Variants in DST observed in about 807,000 individuals in gnomAD.
The protein encoded by DST is dystonin.
DST carries 253 observed loss-of-function variants against 875.2 expected under a neutral mutation model. The ratio of observed to expected loss-of-function variants is 0.29; its 90% CI spans 0.26 to 0.32. DST has a LOEUF of 0.32. Ranked by LOEUF, DST falls within the 10% of genes least tolerant of loss-of-function variation. The pLI is 1.00. For missense variants in DST, 8,287 were observed against 9,111.6 expected (o/e 0.91, Z 3.68); for synonymous variants, 3,124 against 3,197.1 (o/e 0.98, Z 0.77).
At chr6:56,795,962 AC>A (rs1279153036) in intron 4 of DST, among the ~76,000 whole-genome samples, 3 of 152,104 alleles carry the variant, frequency 2.0e-5, no homozygotes, top group Admixed American at 6.5e-5. Flanking sequence ...ACTAGAGAAG[AC>A]AGTTTGTCAA....
At chr6:56,808,292 T>C (rs912390096) in intron 4 of DST, among the ~76,000 whole-genome samples, 4 of 152,116 alleles carry the variant, frequency 2.6e-5, no homozygotes, top group African/African-American at 4.8e-5. Flanking sequence ...GTGCTGCTAC[T>C]TTTTTCTCAA....
rs542944295 is a variant in DST at position 56,584,714 on chromosome 6, G to A, written c.12904-5777C>T. 2.0e-5 allele frequency among the ~76,000 whole-genome samples: 3 copies of A among 152,198 alleles called. No individual in the cohort carries two copies. In the South Asian group the frequency reaches 6.2e-4, roughly 32 times the overall value. ...CTTCCCGTTTTTGCCCATTCAGTAT[G>A]ATATTGGCTGTGGGTCTGTCATAGA... On this transcript the variant is annotated intron_variant, in intron 49 of 103. Transcript: ENST00000680361.
At chr6:56,800,898 T>C (rs1187019783) in intron 4 of DST, among the ~76,000 whole-genome samples, 2 of 151,798 alleles carry the variant, frequency 1.3e-5, no homozygotes, top group African/African-American at 2.4e-5. Flanking sequence ...CACACACCTG[T>C]AGCCCCAGGT....
chr6:56,514,807 A>AAAAGAGGGCTTTATGTGCCATTTC (rs1405824428), intron 72 of DST, among the ~76,000 whole-genome samples: 3 of 152,200 alleles, frequency 2.0e-5, no homozygotes, highest in Non-Finnish European at 4.4e-5. Context: ...GTGACTGCTG[A>AAAAGAGGGCTTTATGTGCCATTTC]AAAGAGGGCT....
chr6:56,656,356 C>G (rs2099008590), intron 10 of DST, among the ~76,000 whole-genome samples: 1 of 152,226 alleles, frequency 6.6e-6, no homozygotes, highest in African/African-American at 2.4e-5. Flanking sequence ...AGGTTCTCCT[C>G]CCTTCTTATG....
chr6:56,615,659 A>G, intron 36 of DST: 1 of 1,614,070 alleles, frequency 6.2e-7, no homozygotes, highest in South Asian at 1.1e-5. Context: ...AGGGCATATT[A>G]TATTTCTGAC....
intron 4 of DST, among the ~76,000 whole-genome samples, chr6:56,747,344 G>GTCC (rs991269032): frequency 2.6e-5 from 4 of 152,142 alleles, no homozygotes; most frequent in African/African-American, 9.7e-5. Context: ...CTGCCTTCCT[G>GTCC]TAAGTGCAGT....
chr6:56,663,162 A>C (rs1201167965), intron 10 of DST, among the ~76,000 whole-genome samples: 2 of 152,138 alleles, frequency 1.3e-5, no homozygotes, highest in Non-Finnish European at 2.9e-5. Flanking sequence ...ATACAATAAA[A>C]ATGGTCACCA....
In DST at chr6:56,535,303, C is replaced by T. The variant is rs201322108; in HGVS notation, c.16771-11G>A. ...TGCTCGCTGAGCCACCTGCAAAGTGCCAATTGTTTCCACTTATTTATTTGT... is the reference window on the plus strand; with the variant it reads ...TGCTCGCTGAGCCACCTGCAAAGTGTCAATTGTTTCCACTTATTTATTTGT... On this transcript the variant is annotated splice_polypyrimidine_tract_variant and intron_variant, in intron 62 of 103. Transcript: ENST00000680361. 17 of 1,555,902 alleles carry T rather than the reference C, an allele frequency of 1.1e-5. No homozygotes were observed. Among genetic ancestry groups the T allele is most frequent in the Middle Eastern group, 1.7e-4 (1 of 5,938 alleles).
intron 54 of DST, 59 bp downstream of exon 54, chr6:56,569,797 C>CT (rs1198493983): frequency 1.4e-6 from 2 of 1,463,056 alleles, no homozygotes; most frequent in African/African-American, 2.8e-5. Context: ...TACCATTAGT[C>CT]TTTTAATCTT....
chr6:56,843,653 T>C (rs1291576793), intron 4 of DST: 1 of 983,440 alleles, frequency 1.0e-6, no homozygotes, highest in Non-Finnish European at 1.2e-6. Context: ...TCTGCGGCAT[T>C]TCCTGGCCGC....
At chr6:56,904,708 A>T (rs189939109) in intron 2 of DST, among the ~76,000 whole-genome samples, 120 of 151,792 alleles carry the variant, frequency 7.9e-4, no homozygotes, top group African/African-American at 2.3e-3. Flanking sequence ...AAGTAATATT[A>T]AAAAAAAGCC....
chr6:56,616,172 T>C, intron 36 of DST: 1 of 1,614,208 alleles, frequency 6.2e-7, no homozygotes, highest in Non-Finnish European at 8.5e-7. Flanking sequence ...CAGCAAAGAA[T>C]CAGCAAGTTC....
chr6:56,840,168 T>C (rs2099798284), intron 4 of DST, among the ~76,000 whole-genome samples: 1 of 152,176 alleles, frequency 6.6e-6, no homozygotes, highest in African/African-American at 2.4e-5. Flanking sequence ...GGAAAACAAA[T>C]ATTCCAATGA....
At chr6:56,626,135 T>C (rs1358700858) in intron 34 of DST, among the ~76,000 whole-genome samples, 3 of 152,116 alleles carry the variant, frequency 2.0e-5, no homozygotes, top group Admixed American at 6.5e-5. Context: ...AAGTTTATAA[T>C]GTAAAAAAGT....
chr6:56,479,318 T>C (rs1311762222), intron 90 of DST, among the ~76,000 whole-genome samples: 1 of 152,286 alleles, frequency 6.6e-6, no homozygotes, highest in African/African-American at 2.4e-5. Context: ...GCTTATACAC[T>C]GTTGGTGGGA....
chr6:56,785,938 C>T (rs2099704493), intron 4 of DST: 1 of 152,252 alleles, frequency 6.6e-6, no homozygotes, highest in Non-Finnish European at 1.5e-5. Context: ...GCTTTAGGCT[C>T]TATCTATATT....
At position 56,606,278 on chromosome 6, in the gene DST, G is replaced by A. The variant is rs775420460; in HGVS notation, c.8350C>T (p.His2784Tyr). ...TGQEFHSDTD[H>Y]LDSMQSEESY... ...TCTTCACTTTGCATAGAATCTAAAT[G>A]ATCAGTATCGGAGTGAAATTCCTGT... The change falls in exon 40 of 104, where the codon CAT becomes TAT. Residue 2784 changes from histidine to tyrosine, a missense_variant. His to Tyr is a moderately conservative substitution (Grantham distance 83). This residue lies in a region of DST where 3,138 missense variants were observed against 3,116.6 expected (regional missense o/e 1.01). Transcript: ENST00000680361. 43 of 1,584,954 alleles carry A rather than the reference G, an allele frequency of 2.7e-5. No homozygotes were observed. Among genetic ancestry groups the A allele is most frequent in the Non-Finnish European group, 3.6e-5 (42 of 1,164,254 alleles).
intron 34 of DST, 118 bp from the exon 35 acceptor site, chr6:56,625,382 G>A: frequency 1.4e-6 from 1 of 718,890 alleles, no homozygotes; most frequent in South Asian, 1.6e-5. Flanking sequence ...TTAGTGATTT[G>A]ACACAGATCA....
Sources: gnomAD v4.1 joint callset for allele counts (sites outside exome capture counted in the v4.1 genomes callset) on GRCh38, gnomAD v4.1.1 for gene constraint, gnomAD v4.1.1 regional missense constraint, MANE v1.5 for transcripts, NCBI Gene and HGNC (gene_info 2026-07-23, HGNC 2026-07-21) for gene names.